The following SLC25A48 variants were observed in gnomAD, a reference collection of about 807,000 sequenced individuals.
The protein encoded by SLC25A48 is CTC-321K16.1.
Under a neutral mutation model 32.2 loss-of-function variants are expected in SLC25A48, and 29 were observed. The observed-to-expected ratio is 0.90, with a 90% CI of 0.67 to 1.23. The LOEUF (loss-of-function observed/expected upper bound fraction) is 1.23. Among genes scored for constraint, SLC25A48 ranks in the 50% most tolerant of loss-of-function variants. SLC25A48 has a pLI of 0.00. For missense variants in SLC25A48, 399 were observed against 422.7 expected, an observed-to-expected ratio of 0.94 and a Z score of 0.49; for synonymous variants, 164 against 172.3, an observed-to-expected ratio of 0.95 and a Z score of 0.38.
At chr5:135,754,780 TA>T (rs35702662) in intron 3 of SLC25A48, among the ~76,000 whole-genome samples, 45,904 of 151,776 alleles carry the variant, frequency 0.3, 7,085 homozygotes, top group East Asian at 0.46. Flanking sequence ...TACACTGTGA[TA>T]TTAGTGAAAT....
At chr5:135,596,435 G>A (rs1580709976) in intron 1 of SLC25A48, among the ~76,000 whole-genome samples, 2 of 152,142 alleles carry the variant, frequency 1.3e-5, no homozygotes, top group East Asian at 3.9e-4. Flanking sequence ...GGATTAGCAA[G>A]GACTTAACAG....
chr5:135,856,429 G>A (rs540842046), intron 4 of SLC25A48, among the ~76,000 whole-genome samples: 2 of 152,290 alleles, frequency 1.3e-5, no homozygotes, highest in South Asian at 4.1e-4. Context: ...CAGAGCCCCA[G>A]CAGCTCACTC....
intron 4 of SLC25A48, among the ~76,000 whole-genome samples, chr5:135,862,672 GT>G (rs755723818): frequency 6.6e-6 from 1 of 152,180 alleles, no homozygotes; most frequent in Non-Finnish European, 1.5e-5. Context: ...TGTTGATCGG[GT>G]TTTTTAGTTC....
chr5:135,871,930 A>C, intron 5 of SLC25A48: 1 of 1,459,998 alleles, frequency 6.8e-7, no homozygotes, highest in South Asian at 1.7e-5. Context: ...GGCAGTTCCC[A>C]TTTGACTTTC....
At chr5:135,802,873 G>A (rs1305299347) in intron 3 of SLC25A48, 1 of 151,410 alleles carries the variant, frequency 6.6e-6, no homozygotes, top group African/African-American at 2.4e-5. Context: ...TACACCCTGT[G>A]ATATTATTTG....
At chr5:135,807,414 A>G (rs1414295874) in intron 3 of SLC25A48, among the ~76,000 whole-genome samples, 1 of 150,726 alleles carries the variant, frequency 6.6e-6, no homozygotes, top group Non-Finnish European at 1.5e-5. Flanking sequence ...TTAATATCCT[A>G]GTGTGTTAAC....
intron 3 of SLC25A48, among the ~76,000 whole-genome samples, chr5:135,714,523 C>T (rs1029174700): frequency 9.9e-5 from 15 of 152,212 alleles, no homozygotes; most frequent in African/African-American, 2.9e-4. Context: ...AGTGAGGCTG[C>T]TCAGGGCATG....
At chr5:135,799,207 C>A (rs758538788) in intron 3 of SLC25A48, among the ~76,000 whole-genome samples, 1 of 151,786 alleles carries the variant, frequency 6.6e-6, no homozygotes, top group Non-Finnish European at 1.5e-5. Flanking sequence ...AATGCCATTA[C>A]TCCCAATATT....
intron 3 of SLC25A48, among the ~76,000 whole-genome samples, chr5:135,720,449 G>C (rs989828318): frequency 9.9e-5 from 15 of 152,244 alleles, no homozygotes; most frequent in African/African-American, 3.6e-4. Context: ...CACCTAAACT[G>C]TGCCACCCCT....
At chr5:135,776,146 A>G (rs1314714730) in intron 3 of SLC25A48, among the ~76,000 whole-genome samples, 1 of 151,688 alleles carries the variant, frequency 6.6e-6, no homozygotes, top group Non-Finnish European at 1.5e-5. Context: ...TACTACCAAT[A>G]TCGTAGGGAT....
At chr5:135,651,217 C>T (rs369446800) in intron 3 of SLC25A48, among the ~76,000 whole-genome samples, 8 of 152,310 alleles carry the variant, frequency 5.3e-5, no homozygotes, top group African/African-American at 1.9e-4. Flanking sequence ...TAGGCTCATG[C>T]AGTGAACTCC....
intron 3 of SLC25A48, among the ~76,000 whole-genome samples, chr5:135,661,674 C>G (rs915070750): frequency 1.3e-5 from 2 of 152,202 alleles, no homozygotes; most frequent in African/African-American, 4.8e-5. Flanking sequence ...TTCTGCTACT[C>G]TCTCTAGGGG....
chr5:135,757,315 TATC>T (rs1310437528), intron 3 of SLC25A48, among the ~76,000 whole-genome samples: 1 of 149,682 alleles, frequency 6.7e-6, no homozygotes, highest in East Asian at 2.1e-4. Flanking sequence ...ATTAATAAAA[TATC>T]ATCTTTATGG....
chr5:135,745,307 G>A (rs927728233), intron 3 of SLC25A48, among the ~76,000 whole-genome samples: 8 of 152,140 alleles, frequency 5.3e-5, no homozygotes, highest in East Asian at 1.9e-4. Flanking sequence ...GGCACAGATC[G>A]CTCATGCTAT....
intron 3 of SLC25A48, among the ~76,000 whole-genome samples, chr5:135,679,348 G>A (rs1422882133): frequency 2.6e-5 from 4 of 152,170 alleles, no homozygotes; most frequent in African/African-American, 7.2e-5. Context: ...TGGGCACTGC[G>A]AGGGCCGAGC....
chr5:135,620,182 G>C (rs1752291239), intron 1 of SLC25A48, among the ~76,000 whole-genome samples: 2 of 152,196 alleles, frequency 1.3e-5, no homozygotes, highest in African/African-American at 4.8e-5. Flanking sequence ...TGATGCATGT[G>C]GGTGGCTGCC....
intron 1 of SLC25A48, among the ~76,000 whole-genome samples, chr5:135,589,408 G>T: frequency 6.6e-6 from 1 of 152,194 alleles, no homozygotes; most frequent in East Asian, 1.9e-4. Flanking sequence ...TCCCTGATAG[G>T]TGGCTGGGCT....
intron 3 of SLC25A48, among the ~76,000 whole-genome samples, chr5:135,757,235 AAC>A (rs1755936476): frequency 6.7e-6 from 1 of 149,896 alleles, no homozygotes; most frequent in African/African-American, 2.4e-5. Context: ...GTCTTGTGTT[AAC>A]ACACTATAAT....
intron 4 of SLC25A48, among the ~76,000 whole-genome samples, chr5:135,853,277 C>T (rs1370278580): frequency 6.6e-6 from 1 of 152,140 alleles, no homozygotes; most frequent in Non-Finnish European, 1.5e-5. Context: ...TGGGCTGTGG[C>T]AATTTCTTAA....
Sources: gnomAD v4.1 joint callset for allele counts (sites outside exome capture counted in the v4.1 genomes callset) on GRCh38, gnomAD v4.1.1 for gene constraint, MANE v1.5 for transcripts, NCBI Gene and HGNC (gene_info 2026-07-23, HGNC 2026-07-21) for gene names.